SPOCK3: variants seen among roughly 807,000 people sequenced by gnomAD.
The protein encoded by SPOCK3 is SPARC (osteonectin), cwcv and kazal like domains proteoglycan 3, also known as testican-3.
Under a neutral mutation model 56.6 loss-of-function variants are expected in SPOCK3, and 30 were observed. The ratio of observed to expected loss-of-function variants is 0.53; its 90% CI spans 0.40 to 0.72. The LOEUF is 0.72. Among genes scored for constraint, SPOCK3 ranks in the 30% least tolerant of loss-of-function variants. SPOCK3 has a pLI of 0.00. For synonymous variants in SPOCK3, 196 were observed against 183.3 expected, an observed-to-expected ratio of 1.07 and a Z score of -0.56; for missense variants, 527 against 530.0, an observed-to-expected ratio of 0.99 and a Z score of 0.06.
chr4:166,772,988 C>T (rs1235306905), intron 7 of SPOCK3, among the ~76,000 whole-genome samples: 1 of 152,094 alleles, frequency 6.6e-6, no homozygotes, highest in Admixed American at 6.6e-5. Context: ...GAGACAGAGT[C>T]ACTGTGTTGC....
At chr4:167,056,542 A>T (rs1379469956) in intron 3 of SPOCK3, among the ~76,000 whole-genome samples, 6 of 152,180 alleles carry the variant, frequency 3.9e-5, no homozygotes, top group Middle Eastern at 3.2e-3. Flanking sequence ...CTTTGAAAAA[A>T]ATTTAGATGA....
chr4:166,764,852 T>C (rs571647571), intron 7 of SPOCK3, among the ~76,000 whole-genome samples: 24 of 151,482 alleles, frequency 1.6e-4, no homozygotes, highest in African/African-American at 5.1e-4. Context: ...CCAGCACCTG[T>C]TGTTTCCTGA....
rs191067811 is a variant in SPOCK3, at chr4:167,128,580, T to G, written c.190-66043A>C. 5.3e-5 allele frequency among the ~76,000 whole-genome samples: 8 copies of G among 152,322 alleles called. No homozygotes were observed. In the East Asian group the frequency reaches 1.2e-3, roughly 22 times the overall value. ...ACAGTGTTCAACCATTTGGCTTCCC[T>G]GGGCCACATCTGAAGAAGAAGAATT... On this transcript the variant is annotated intron_variant, in intron 2 of 10. Coordinates refer to ENST00000357545, the MANE Select transcript of SPOCK3 (RefSeq NM_001040159.2).
chr4:167,028,387 A>AACT, intron 3 of SPOCK3, among the ~76,000 whole-genome samples: 1 of 136,362 alleles, frequency 7.3e-6, no homozygotes, highest in Admixed American at 6.9e-5. Flanking sequence ...CAACAACAAC[A>AACT]ACAACAACAA....
intron 6 of SPOCK3, among the ~76,000 whole-genome samples, chr4:166,794,658 T>G (rs77887264): frequency 1.3e-5 from 2 of 150,438 alleles, no homozygotes; most frequent in South Asian, 4.2e-4. Context: ...TTTTTTTTTT[T>G]TGAGACAGAG....
chr4:167,178,261 G>C (rs1731152794), intron 2 of SPOCK3, among the ~76,000 whole-genome samples: 1 of 152,136 alleles, frequency 6.6e-6, no homozygotes, highest in African/African-American at 2.4e-5. Context: ...GCCTGAACGA[G>C]TGCCAATGGT....
intron 2 of SPOCK3, among the ~76,000 whole-genome samples, chr4:167,161,531 C>A (rs1255638983): frequency 6.6e-6 from 1 of 152,114 alleles, no homozygotes. Flanking sequence ...CCAGCCATCC[C>A]ATTACTGGGT....
At chr4:166,911,396 T>C (rs1208625702) in intron 5 of SPOCK3, among the ~76,000 whole-genome samples, 1 of 151,962 alleles carries the variant, frequency 6.6e-6, no homozygotes, top group Non-Finnish European at 1.5e-5. Context: ...CCAAAACATA[T>C]AAAAGGTAGG....
At chr4:166,908,314 C>T (rs1736859304) in intron 5 of SPOCK3, among the ~76,000 whole-genome samples, 1 of 115,240 alleles carries the variant, frequency 8.7e-6, no homozygotes, top group Non-Finnish European at 1.7e-5. Context: ...ACACACACCC[C>T]TACCTTTTAT....
At chr4:167,156,917 G>A (rs1700512583) in intron 2 of SPOCK3, among the ~76,000 whole-genome samples, 1 of 152,010 alleles carries the variant, frequency 6.6e-6, no homozygotes, top group African/African-American at 2.4e-5. Context: ...TCTACCAAAG[G>A]GCTCATTGAA....
chr4:166,986,257 G>T (rs570992266), intron 4 of SPOCK3, among the ~76,000 whole-genome samples: 14 of 152,198 alleles, frequency 9.2e-5, no homozygotes, highest in Non-Finnish European at 1.2e-4. Context: ...TTCCACAGGA[G>T]ATTTTACTCA....
chr4:166,750,082 T>G (rs1736183911), intron 8 of SPOCK3, among the ~76,000 whole-genome samples: 1 of 152,166 alleles, frequency 6.6e-6, no homozygotes, highest in Non-Finnish European at 1.5e-5. Context: ...CGTTACAAGC[T>G]CTGTGTAAAA....
intron 3 of SPOCK3, among the ~76,000 whole-genome samples, chr4:167,029,182 T>C (rs1347215181): frequency 6.6e-6 from 1 of 152,060 alleles, no homozygotes; most frequent in East Asian, 1.9e-4. Context: ...TGGTTTTCTG[T>C]TCCTGAGTTA....
At chr4:167,108,451 A>G (rs187587492) in intron 2 of SPOCK3, among the ~76,000 whole-genome samples, 2 of 152,122 alleles carry the variant, frequency 1.3e-5, no homozygotes, top group African/African-American at 4.8e-5. Flanking sequence ...TGGTAAATAT[A>G]CACAATGGCA....
At chr4:167,212,366 T>C (rs1348112039) in intron 2 of SPOCK3, among the ~76,000 whole-genome samples, 1 of 151,918 alleles carries the variant, frequency 6.6e-6, no homozygotes, top group African/African-American at 2.4e-5. Context: ...CTCAGTCTCC[T>C]GAGTACCTGG....
intron 4 of SPOCK3, among the ~76,000 whole-genome samples, chr4:166,936,745 T>C (rs1198530574): frequency 6.6e-6 from 1 of 152,124 alleles, no homozygotes; most frequent in Non-Finnish European, 1.5e-5. Flanking sequence ...ATTTCTACTT[T>C]TAGTTTTAAT....
intron 7 of SPOCK3, among the ~76,000 whole-genome samples, chr4:166,774,345 G>A (rs538942882): frequency 1.3e-5 from 2 of 152,208 alleles, no homozygotes; most frequent in South Asian, 4.1e-4. Flanking sequence ...GGTTTTAAAG[G>A]CTTCATCTAT....
At chr4:166,874,040 G>A (rs1327638342) in intron 6 of SPOCK3, among the ~76,000 whole-genome samples, 2 of 152,144 alleles carry the variant, frequency 1.3e-5, no homozygotes, top group Admixed American at 6.5e-5. Context: ...TATAGCAAAT[G>A]ATCTTGGGAG....
Position 167,193,658 on chromosome 4 carries a change from C to A in SPOCK3, c.189+40327G>T, listed in dbSNP as rs1024050428. Among the ~76,000 whole-genome samples the A allele has an allele frequency of 2.7e-5, 4 of 145,842 alleles. 1 individual carries two copies. Among genetic ancestry groups the A allele is most frequent in the African/African-American group, 1.0e-4 (4 of 38,128 alleles). On this transcript the variant is annotated intron_variant, in intron 2 of 10. Coordinates refer to ENST00000357545, the MANE Select transcript of SPOCK3 (RefSeq NM_001040159.2). ...TACCATATATAGTATTCTTAATTGGCAGTTATTTTTGTTTCAACACTTTAA... is the reference window on the plus strand; with the variant it reads ...TACCATATATAGTATTCTTAATTGGAAGTTATTTTTGTTTCAACACTTTAA...
Sources: allele counts gnomAD v4.1 joint callset (sites outside exome capture counted in the v4.1 genomes callset), GRCh38; gene constraint gnomAD v4.1.1; transcripts MANE v1.5; gene names NCBI Gene and HGNC (gene_info 2026-07-23, HGNC 2026-07-21).